The following TMEM255A variants were observed in gnomAD, a reference collection of about 807,000 sequenced individuals.
TMEM255A encodes the protein family with sequence similarity 70, member A.
TMEM255A carries 14 observed loss-of-function variants against 23.5 expected under a neutral mutation model. That is an observed-to-expected ratio of 0.60 (90% CI 0.39 to 0.93). The LOEUF (loss-of-function observed/expected upper bound fraction) is 0.93, where lower values mean the gene tolerates loss of function less well. Ranked by LOEUF, TMEM255A falls within the 40% of genes least tolerant of loss-of-function variation. The probability of loss-of-function intolerance (pLI) is 0.00; values close to 1 mark genes in which losing one functional copy is unlikely to be tolerated. For missense variants in TMEM255A, 233 were observed against 261.7 expected (o/e 0.89, Z 0.76); for synonymous variants, 104 against 100.3 (o/e 1.04, Z -0.22).
intron 2 of TMEM255A, among the ~76,000 whole-genome samples, chrX:120,296,767 TTAAA>T (rs1556024258): frequency 6.4e-5 from 1 of 15,564 alleles, no homozygotes; most frequent in African/African-American, 6.5e-4. Flanking sequence ...ATTATATATA[TTAAA>T]TATATTATAT....
chrX:120,288,766 C>T (rs2057894325), intron 4 of TMEM255A, among the ~76,000 whole-genome samples: 1 of 112,570 alleles, frequency 8.9e-6, no homozygotes, highest in Non-Finnish European at 1.9e-5. Flanking sequence ...TGCTCTATGC[C>T]AGGCCCTCTT....
intron 8 of TMEM255A, among the ~76,000 whole-genome samples, chrX:120,263,210 C>T (rs1405854725): frequency 4.5e-5 from 5 of 111,930 alleles, no homozygotes; most frequent in Admixed American, 1.9e-4. Context: ...CTGGCTTTGT[C>T]GCAGCCAGGG....
chrX:120,306,036 C>T (rs910934590), intron 1 of TMEM255A, among the ~76,000 whole-genome samples: 1 of 111,531 alleles, frequency 9.0e-6, no homozygotes, highest in Non-Finnish European at 1.9e-5. Flanking sequence ...GTGGTTTGAA[C>T]GTTTATAGGC....
chrX:120,285,142 A>G lies in TMEM255A; in HGVS notation c.497T>C (p.Leu166Pro), dbSNP rs1556021508. ...IRGNTCFCCD[L>P]YNCGNRVEIT... ...CAACACTTACTTGCCACAGTTGTAG[A>G]GGTCACAGCAGAAGCAGGTGTTGCC... Residue 166 changes from leucine to proline, a missense_variant, in exon 6 of 9, where the codon CTC becomes CCC. Leu to Pro is a moderately conservative substitution (Grantham distance 98, BLOSUM62 -3). Coordinates refer to ENST00000371369, the MANE Select transcript of TMEM255A (RefSeq NM_001104544.3). 8.3e-7 allele frequency: 1 copy of G among 1,210,396 alleles called. No individual in the cohort carries two copies. The highest frequency in any genetic ancestry group is 2.2e-5 in the Admixed American group (1 of 46,044).
chrX:120,275,740 G>A (rs1331726695), intron 7 of TMEM255A, among the ~76,000 whole-genome samples: 1 of 102,181 alleles, frequency 9.8e-6, no homozygotes, highest in Non-Finnish European at 2.0e-5. Context: ...CTGGGCTTCA[G>A]TTTAGACCAA....
In TMEM255A at chrX:120,294,062, A is replaced by G. The variant is rs782064100; in HGVS notation, c.202-11T>C. The stretch of plus-strand genomic sequence containing the variant: ...CGATCCAAAGCCGAGCTGCAAAGCA[A>G]TATGGCATACATAGTATGTGGGATG... On this transcript the variant is annotated splice_polypyrimidine_tract_variant and intron_variant, in intron 2 of 8. Coordinates refer to ENST00000371369, the MANE Select transcript of TMEM255A (RefSeq NM_001104544.3). 1.7e-6 allele frequency: 2 copies of G among 1,149,501 alleles called. No individual in the cohort carries two copies. Among genetic ancestry groups the G allele is most frequent in the South Asian group, 3.6e-5 (2 of 55,706 alleles). 94.7% of individuals were successfully genotyped at this position (1,149,501 alleles called of 1,213,427 possible).
intron 8 of TMEM255A, among the ~76,000 whole-genome samples, chrX:120,261,520 A>C (rs1248398333): frequency 1.8e-5 from 2 of 111,826 alleles, no homozygotes; most frequent in Non-Finnish European, 3.8e-5. Flanking sequence ...TCTCATAGAC[A>C]AGAAACTAAG....
intron 4 of TMEM255A, 41 bp downstream of exon 4, chrX:120,291,210 T>C: frequency 1.9e-6 from 2 of 1,047,648 alleles, no homozygotes; most frequent in Non-Finnish European, 2.7e-6. Context: ...GGCCTTGTTG[T>C]ATTGCCTATT....
rs1280536663 is a variant in TMEM255A at position 120,258,752 on chromosome X, GTTTCTGGATTAATA to G, written c.*2104_*2117del. 2.7e-5 allele frequency: 3 copies of G among 112,558 alleles called. No homozygotes were observed. The highest frequency in any genetic ancestry group is 9.7e-5 in the African/African-American group (3 of 30,927). The allele number at this position is 112,558 out of a possible 1,213,427, so 9.3% of individuals were successfully genotyped here. ...TTTTAAGCAACATCCAGTTTATACA[GTTTCTGGATTAATA>G]TTTTAATGTTTCATGCCCAGTTCAG... On this transcript the variant is annotated 3_prime_UTR_variant, in exon 9 of 9. Coordinates refer to ENST00000371369, the MANE Select transcript of TMEM255A (RefSeq NM_001104544.3).
At position 120,294,039 on chromosome X, in the gene TMEM255A, A is replaced by T; in HGVS notation, c.214T>A (p.Ser72Thr). The change falls in exon 3 of 9, where the codon TCG becomes ACG. Residue 72 changes from serine (S) to threonine (T), a missense_variant. Transcript: ENST00000371369. Reference protein sequence around the residue: ...YYPGVILGFGSFLGIIGSNLI... With the variant: ...YYPGVILGFGTFLGIIGSNLI... ...TTTGATCCAATGATTCCAAGGAACG[A>T]TCCAAAGCCGAGCTGCAAAGCAATA... 1 of 1,190,825 alleles carries T rather than the reference A, an allele frequency of 8.4e-7. No homozygotes were observed. Among genetic ancestry groups the T allele is most frequent in the Non-Finnish European group, 1.1e-6 (1 of 880,818 alleles).
chrX:120,259,121 C>T lies in TMEM255A; in HGVS notation c.*1749G>A, dbSNP rs2057658172. The T allele has an allele frequency of 8.9e-6, 1 of 112,352 alleles. No homozygotes were observed. The highest frequency in any genetic ancestry group is 3.2e-5 in the African/African-American group (1 of 30,903). 9.3% of individuals were successfully genotyped at this position (112,352 alleles called of 1,213,427 possible). On this transcript the variant is annotated 3_prime_UTR_variant, in exon 9 of 9. Coordinates refer to ENST00000371369, the MANE Select transcript of TMEM255A (RefSeq NM_001104544.3). Reference sequence around the variant, plus strand: ...GGTGCCTTAAAAAATTAAATATGGACATTCACTAAAGCCAACGGTCAAATG... The same window carrying T: ...GGTGCCTTAAAAAATTAAATATGGATATTCACTAAAGCCAACGGTCAAATG...
intron 2 of TMEM255A, among the ~76,000 whole-genome samples, chrX:120,295,750 A>AT (rs1161399163): frequency 8.9e-6 from 1 of 112,413 alleles, no homozygotes; most frequent in Non-Finnish European, 1.9e-5. Flanking sequence ...TATTGTAAAA[A>AT]TAGGAACCAC....
chrX:120,273,384 T>C, intron 7 of TMEM255A: 2 of 303,876 alleles, frequency 6.6e-6, no homozygotes, highest in East Asian at 7.4e-5. Context: ...ACACAAGAAA[T>C]GTTAGAAGAA....
At chrX:120,299,932 C>G (rs2058022174) in intron 2 of TMEM255A, among the ~76,000 whole-genome samples, 1 of 111,815 alleles carries the variant, frequency 8.9e-6, no homozygotes, top group African/African-American at 3.3e-5. Flanking sequence ...CTCCTAATAT[C>G]CCACAGTAAC....
intron 6 of TMEM255A, among the ~76,000 whole-genome samples, chrX:120,277,739 C>CA (rs1348233929): frequency 2.7e-5 from 3 of 111,882 alleles, no homozygotes; most frequent in East Asian, 2.8e-4. Context: ...ACAAAACAAA[C>CA]AAAAAAACAA....
Position 120,297,170 on chromosome X carries a change from T to TA in TMEM255A, c.202-3120dup, listed in dbSNP as rs781814145. On this transcript the variant is annotated intron_variant, in intron 2 of 8. Coordinates refer to ENST00000371369, the MANE Select transcript of TMEM255A (RefSeq NM_001104544.3). The stretch of plus-strand genomic sequence containing the variant: ...ATATTATATTATAATATATATATTA[T>TA]ATATAATATAATATATTCCTGGCTC... Among the ~76,000 whole-genome samples the TA allele has an allele frequency of 1.7e-3, 96 of 58,064 alleles. 1 individual carries two copies. Among genetic ancestry groups the TA allele is most frequent in the African/African-American group, 4.4e-3 (57 of 12,946 alleles). 50.4% of individuals were successfully genotyped at this position (58,064 alleles called of 115,157 possible).
intron 2 of TMEM255A, among the ~76,000 whole-genome samples, chrX:120,303,119 A>G (rs2058043415): frequency 2.7e-5 from 3 of 111,474 alleles, no homozygotes; most frequent in African/African-American, 6.5e-5. Context: ...GTGTACGTAG[A>G]CTCAAATTAG....
At chrX:120,308,669 G>A (rs1175740589) in intron 1 of TMEM255A, among the ~76,000 whole-genome samples, 5 of 112,079 alleles carry the variant, frequency 4.5e-5, no homozygotes, top group Non-Finnish European at 7.5e-5. Context: ...GAGGCCGCCC[G>A]CGAATTACAA....
chrX:120,296,438 C>CTATTCTATTCT (rs2057956551), intron 2 of TMEM255A, among the ~76,000 whole-genome samples: 2 of 23,502 alleles, frequency 8.5e-5, no homozygotes, highest in African/African-American at 2.3e-4. Flanking sequence ...TATTCTATTC[C>CTATTCTATTCT]ACTCCAATGC....
Sources: gnomAD v4.1 joint callset for allele counts (sites outside exome capture counted in the v4.1 genomes callset) on GRCh38, gnomAD v4.1.1 for gene constraint, MANE v1.5 for transcripts, NCBI Gene and HGNC (gene_info 2026-07-23, HGNC 2026-07-21) for gene names.